Variants in DNM3 observed in about 807,000 individuals in gnomAD.
DNM3 encodes the protein dynamin 3, also known as dynamin-3.
A neutral mutation model predicts 101.6 loss-of-function variants in DNM3; 47 were observed. The ratio of observed to expected loss-of-function variants is 0.46; its 90% CI spans 0.37 to 0.59. The LOEUF (loss-of-function observed/expected upper bound fraction) is 0.59, where lower values mean the gene tolerates loss of function less well. Ranked by LOEUF, DNM3 falls within the 20% of genes least tolerant of loss-of-function variation. The probability of loss-of-function intolerance (pLI) is 0.00; values close to 1 mark genes in which losing one functional copy is unlikely to be tolerated. For synonymous variants in DNM3, 385 were observed against 387.9 expected (o/e 0.99, Z 0.09); for missense variants, 849 against 1,085.7 (o/e 0.78, Z 3.06).
At chr1:172,289,601 T>G in intron 15 of DNM3, 1 of 962,660 alleles carries the variant, frequency 1.0e-6, no homozygotes, top group Non-Finnish European at 1.2e-6. Flanking sequence ...ATTATATTCT[T>G]CTTTGCTTCG....
intron 17 of DNM3, among the ~76,000 whole-genome samples, chr1:172,352,492 G>C (rs12143622): frequency 0.076 from 11,540 of 152,114 alleles, 490 homozygotes; most frequent in South Asian, 0.14. Context: ...TACAGCATAA[G>C]CCTCAGGGAA....
At chr1:171,989,695 G>A (rs760194031) in intron 4 of DNM3, among the ~76,000 whole-genome samples, 8 of 152,094 alleles carry the variant, frequency 5.3e-5, no homozygotes, top group East Asian at 1.9e-4. Context: ...TTTCTTATGC[G>A]TATGTTTAAA....
In DNM3 at chr1:172,040,204, T is replaced by C. The variant is rs146519789; in HGVS notation, c.992+1743T>C. 1.3e-3 allele frequency among the ~76,000 whole-genome samples: 192 copies of C among 152,270 alleles called. 1 individual carries two copies. The highest frequency in any genetic ancestry group is 4.5e-3 in the African/African-American group (189 of 41,556). On this transcript the variant is annotated intron_variant, in intron 7 of 20. Transcript: ENST00000627582. Reference sequence around the variant, plus strand: ...AGTACACTTTCTGAAAAATTTTTCATGTTTCAGTGTGTATGTCATACCTCT... The same window carrying C: ...AGTACACTTTCTGAAAAATTTTTCACGTTTCAGTGTGTATGTCATACCTCT...
intron 20 of DNM3, among the ~76,000 whole-genome samples, chr1:172,390,246 T>C (rs2069446521): frequency 6.6e-6 from 1 of 152,232 alleles, no homozygotes. Flanking sequence ...TACTAGGCAT[T>C]GCCCTAAGAA....
chr1:172,147,352 C>G (rs2057952230), intron 14 of DNM3, among the ~76,000 whole-genome samples: 1 of 151,998 alleles, frequency 6.6e-6, no homozygotes, highest in South Asian at 2.1e-4. Flanking sequence ...ACTTGAATAC[C>G]CAAAATGTAT....
chr1:172,407,285 T>C (rs1337266636), intron 20 of DNM3, among the ~76,000 whole-genome samples: 1 of 152,024 alleles, frequency 6.6e-6, no homozygotes, highest in Non-Finnish European at 1.5e-5. Context: ...TTTTTAGTGC[T>C]CTGTAAATTA....
intron 16 of DNM3, among the ~76,000 whole-genome samples, chr1:172,315,988 GA>G (rs2065327889): frequency 1.3e-5 from 2 of 152,136 alleles, no homozygotes; most frequent in Admixed American, 6.5e-5. Context: ...CAGCCAGAGA[GA>G]AAGGTCGGGT....
intron 4 of DNM3, among the ~76,000 whole-genome samples, chr1:171,992,788 T>C (rs1265265656): frequency 6.6e-6 from 1 of 152,082 alleles, no homozygotes; most frequent in Non-Finnish European, 1.5e-5. Context: ...TCTTTTTGTT[T>C]CTCTATTTCT....
At chr1:171,844,820 T>C (rs75704102) in intron 1 of DNM3, among the ~76,000 whole-genome samples, 2,022 of 152,356 alleles carry the variant, frequency 0.013, 51 homozygotes, top group African/African-American at 0.044. Flanking sequence ...GTCTGCCTAC[T>C]GGTCTGATTT....
At chr1:171,882,465 G>A (rs913457739) in intron 1 of DNM3, among the ~76,000 whole-genome samples, 5 of 128,020 alleles carry the variant, frequency 3.9e-5, no homozygotes, top group African/African-American at 6.3e-5. Flanking sequence ...ACACACACAC[G>A]CACCATTTAA....
chr1:172,102,184 C>T (rs1458112568), intron 13 of DNM3, among the ~76,000 whole-genome samples: 1 of 152,026 alleles, frequency 6.6e-6, no homozygotes, highest in Non-Finnish European at 1.5e-5. Flanking sequence ...AAAATAAAGC[C>T]ATTAGATCTG....
intron 14 of DNM3, among the ~76,000 whole-genome samples, chr1:172,158,271 G>C (rs1478585493): frequency 6.6e-6 from 1 of 152,004 alleles, no homozygotes; most frequent in African/African-American, 2.4e-5. Context: ...AGTAGATAAG[G>C]TTGATAACTG....
chr1:172,084,653 A>G (rs2053404198), intron 12 of DNM3, among the ~76,000 whole-genome samples: 1 of 152,192 alleles, frequency 6.6e-6, no homozygotes, highest in Non-Finnish European at 1.5e-5. Context: ...TAAAGTTGGC[A>G]AGAATGCTGT....
At chr1:172,126,297 G>A (rs2056613485) in intron 13 of DNM3, among the ~76,000 whole-genome samples, 1 of 152,102 alleles carries the variant, frequency 6.6e-6, no homozygotes, top group Non-Finnish European at 1.5e-5. Flanking sequence ...CACTTCCATG[G>A]GTAACTGGTA....
At chr1:172,152,787 A>G (rs1319532425) in intron 14 of DNM3, among the ~76,000 whole-genome samples, 1 of 152,116 alleles carries the variant, frequency 6.6e-6, no homozygotes, top group Non-Finnish European at 1.5e-5. Context: ...TTTTTTGTGT[A>G]TGTGCATGCG....
chr1:172,373,899 A>G (rs1169628570), intron 17 of DNM3, among the ~76,000 whole-genome samples: 2 of 152,098 alleles, frequency 1.3e-5, no homozygotes, highest in Non-Finnish European at 2.9e-5. Flanking sequence ...TCATCTTCAC[A>G]AAGTTATTTT....
intron 17 of DNM3, among the ~76,000 whole-genome samples, chr1:172,332,950 G>C (rs1185838725): frequency 6.6e-6 from 1 of 152,162 alleles, no homozygotes; most frequent in African/African-American, 2.4e-5. Flanking sequence ...AGATTTAGAA[G>C]TTGTTACGTA....
At chr1:172,291,645 T>A (rs907356523) in intron 15 of DNM3, among the ~76,000 whole-genome samples, 5 of 152,100 alleles carry the variant, frequency 3.3e-5, no homozygotes, top group Non-Finnish European at 7.4e-5. Flanking sequence ...GTAGTAGTAA[T>A]CATCTGGTAA....
At chr1:172,282,966 C>T (rs139197658) in intron 15 of DNM3, among the ~76,000 whole-genome samples, 1 of 152,172 alleles carries the variant, frequency 6.6e-6, no homozygotes, top group Non-Finnish European at 1.5e-5. Flanking sequence ...CAAGTAGCAT[C>T]GCATCAACTT....
Sources: gnomAD v4.1 joint callset for allele counts (sites outside exome capture counted in the v4.1 genomes callset) on GRCh38, gnomAD v4.1.1 for gene constraint, MANE v1.5 for transcripts, NCBI Gene and HGNC (gene_info 2026-07-23, HGNC 2026-07-21) for gene names.